The following FNBP1 variants were observed in gnomAD, a reference collection of about 807,000 sequenced individuals.
FNBP1 encodes the protein formin binding protein 1, also known as formin-binding protein 1.
In FNBP1, 26 loss-of-function variants were observed where a neutral mutation model predicts 90.6. That is an observed-to-expected ratio of 0.29 (90% CI 0.21 to 0.40). The LOEUF is 0.40. Ranked by LOEUF, FNBP1 falls within the 10% of genes least tolerant of loss-of-function variation. The pLI, the probability that FNBP1 is intolerant of heterozygous loss-of-function variation, is 1.00. For missense variants in FNBP1, 635 were observed against 768.0 expected, an observed-to-expected ratio of 0.83 and a Z score of 2.05; for synonymous variants, 260 against 265.2, an observed-to-expected ratio of 0.98 and a Z score of 0.19.
chr9:130,040,447 C>T (rs1278871234), intron 1 of FNBP1, among the ~76,000 whole-genome samples: 3 of 151,908 alleles, frequency 2.0e-5, no homozygotes, highest in Non-Finnish European at 4.4e-5. Flanking sequence ...GGCGAAACCC[C>T]GTCTCTACTA....
the FNBP1 span, among the ~76,000 whole-genome samples, chr9:130,050,827 T>TG: frequency 4.7e-5 from 7 of 148,404 alleles, no homozygotes; most frequent in Admixed American, 4.7e-4. Context: ...TTTTTTTTGT[T>TG]TTTTTGTTTT....
intron 9 of FNBP1, among the ~76,000 whole-genome samples, chr9:129,924,749 G>A (rs923261484): frequency 3.9e-5 from 6 of 152,108 alleles, no homozygotes; most frequent in Non-Finnish European, 8.8e-5. Context: ...TGGGAGTCAC[G>A]GTACGAGGAT....
At chr9:129,991,736 G>C (rs760764534) in intron 2 of FNBP1, among the ~76,000 whole-genome samples, 5 of 150,322 alleles carry the variant, frequency 3.3e-5, no homozygotes, top group African/African-American at 1.2e-4. Flanking sequence ...CTTGGCTCAC[G>C]GCAAGCTCTG....
chr9:129,904,550 C>G (rs950431176), intron 12 of FNBP1, among the ~76,000 whole-genome samples: 1 of 152,170 alleles, frequency 6.6e-6, no homozygotes, highest in African/African-American at 2.4e-5. Flanking sequence ...CCAAAAGATA[C>G]ATTCTGAGTC....
At chr9:129,971,008 C>T (rs1395911839) in intron 4 of FNBP1, among the ~76,000 whole-genome samples, 1 of 152,058 alleles carries the variant, frequency 6.6e-6, no homozygotes, top group African/African-American at 2.4e-5. Flanking sequence ...GCCTCAGCCT[C>T]CTGAGTAGCT....
intron 6 of FNBP1, chr9:129,936,639 A>G (rs1463210840): frequency 6.6e-6 from 1 of 152,186 alleles, no homozygotes; most frequent in African/African-American, 2.4e-5. Context: ...TGTATGGTTT[A>G]AGAAATAAAA....
intron 2 of FNBP1, among the ~76,000 whole-genome samples, 190 bp downstream of exon 2, chr9:129,994,653 A>G (rs775596357): frequency 1.3e-5 from 2 of 152,214 alleles, no homozygotes; most frequent in Non-Finnish European, 2.9e-5. Context: ...TTAAAGCAGT[A>G]ATTTAGTTTT....
intron 11 of FNBP1, among the ~76,000 whole-genome samples, chr9:129,913,213 A>G (rs1367967858): frequency 6.6e-6 from 1 of 152,158 alleles, no homozygotes; most frequent in African/African-American, 2.4e-5. Flanking sequence ...ATCTCAAAAC[A>G]AAAACAAAAA....
At position 130,012,122 on chromosome 9, in the gene FNBP1, T is replaced by G. The variant is rs2056689228; in HGVS notation, c.25-17164A>C. Reference sequence around the variant, plus strand: ...AAAATGACTTTTGATTTAGGATAGATGTAGCCATGTAGAAAAGATGCAGAG... The same window carrying G: ...AAAATGACTTTTGATTTAGGATAGAGGTAGCCATGTAGAAAAGATGCAGAG... On this transcript the variant is annotated intron_variant, in intron 1 of 16. Coordinates refer to ENST00000446176, the MANE Select transcript of FNBP1 (RefSeq NM_015033.3). Among the ~76,000 whole-genome samples the G allele has an allele frequency of 2.6e-5, 4 of 152,230 alleles. No individual in the cohort carries two copies. In the South Asian group the frequency reaches 8.3e-4, roughly 31 times the overall value.
At chr9:130,040,217 C>T (rs1047457614) in intron 1 of FNBP1, among the ~76,000 whole-genome samples, 1 of 152,120 alleles carries the variant, frequency 6.6e-6, no homozygotes, top group Admixed American at 6.6e-5. Context: ...TGCATTTCAC[C>T]TGAAAACTTA....
chr9:129,997,250 C>T (rs1470420669), intron 1 of FNBP1, among the ~76,000 whole-genome samples: 2 of 152,036 alleles, frequency 1.3e-5, no homozygotes, highest in Non-Finnish European at 2.9e-5. Flanking sequence ...ATTGTTTGAA[C>T]CCAGGAGGCA....
chr9:129,925,534 T>A (rs1564345535), intron 8 of FNBP1, among the ~76,000 whole-genome samples: 1 of 146,654 alleles, frequency 6.8e-6, no homozygotes, highest in Non-Finnish European at 1.5e-5. Context: ...GATGATCTCA[T>A]ACAGATGATA....
In FNBP1 at chr9:129,900,546, G is replaced by C. The variant is rs111319812; in HGVS notation, c.1430C>G (p.Ala477Gly). The C allele has an allele frequency of 4.0e-3, 6,219 of 1,558,454 alleles. 211 individuals carry two copies. The African/African-American group carries it at 0.075, about 19-fold the overall frequency. ...KLRVETQKFE[A>G]WLAEVEGRLP... Reference sequence around the variant, plus strand: ...CCGGCCTTCAACCTCAGCCAGCCAGGCCTGGAGACAAAAGCAATGAGAGAC... The same window carrying C: ...CCGGCCTTCAACCTCAGCCAGCCAGCCCTGGAGACAAAAGCAATGAGAGAC... Residue 477 changes from alanine (A) to glycine (G), a missense_variant and splice_region_variant, in exon 14 of 17, where the codon GCC becomes GGC. Physicochemically the swap from Ala to Gly is moderately conservative, Grantham distance 60 (BLOSUM62 0). Transcript: ENST00000446176. The surrounding 1 kb of genome is among the most constrained non-coding windows in gnomAD (Gnocchi z 4.1).
intron 1 of FNBP1, among the ~76,000 whole-genome samples, chr9:130,002,158 C>T (rs1372518254): frequency 1.3e-5 from 2 of 151,986 alleles, no homozygotes; most frequent in African/African-American, 4.8e-5. Flanking sequence ...CATTGCACTC[C>T]AGCCTAGGCA....
chr9:129,904,760 A>G (rs2037657310), intron 12 of FNBP1, among the ~76,000 whole-genome samples: 1 of 151,648 alleles, frequency 6.6e-6, no homozygotes, highest in Admixed American at 6.6e-5. Flanking sequence ...CATTATTATT[A>G]TGCTTATTGT....
At chr9:130,028,333 T>G (rs1589363105) in intron 1 of FNBP1, among the ~76,000 whole-genome samples, 1 of 152,208 alleles carries the variant, frequency 6.6e-6, no homozygotes, top group Non-Finnish European at 1.5e-5. Context: ...CAACAAGGTG[T>G]GAACTGAGTA....
intron 4 of FNBP1, among the ~76,000 whole-genome samples, chr9:129,973,467 A>G (rs2049803482): frequency 6.6e-6 from 1 of 152,068 alleles, no homozygotes. Context: ...GGTCTTAAAT[A>G]GCTCCTTTTC....
chr9:129,893,480 G>C (rs1263723060), intron 16 of FNBP1, among the ~76,000 whole-genome samples: 1 of 150,518 alleles, frequency 6.6e-6, no homozygotes, highest in Non-Finnish European at 1.5e-5. Flanking sequence ...GGGTGTGGTG[G>C]CAGGCACCTG....
At chr9:130,009,628 C>T (rs1438910347) in intron 1 of FNBP1, among the ~76,000 whole-genome samples, 2 of 152,138 alleles carry the variant, frequency 1.3e-5, no homozygotes, top group Non-Finnish European at 2.9e-5. Flanking sequence ...TGGTGAAACC[C>T]CCAACTCTAC....
Sources: allele counts gnomAD v4.1 joint callset (sites outside exome capture counted in the v4.1 genomes callset), GRCh38; gene constraint gnomAD v4.1.1; non-coding constraint Gnocchi (gnomAD v3.1); transcripts MANE v1.5; gene names NCBI Gene and HGNC (gene_info 2026-07-23, HGNC 2026-07-21).